The following IGF2BP2 variants were observed in gnomAD, a reference collection of about 807,000 sequenced individuals.
The protein encoded by IGF2BP2 is insulin like growth factor 2 mRNA binding protein 2, also known as insulin-like growth factor 2 mRNA-binding protein 2.
A neutral mutation model predicts 75.8 loss-of-function variants in IGF2BP2; 17 were observed. The observed-to-expected ratio is 0.22, with a 90% CI of 0.15 to 0.34. The LOEUF (loss-of-function observed/expected upper bound fraction) is 0.34. Ranked by LOEUF, IGF2BP2 falls within the 10% of genes least tolerant of loss-of-function variation. The pLI, the probability that IGF2BP2 is intolerant of heterozygous loss-of-function variation, is 1.00. For missense variants in IGF2BP2, 516 were observed against 772.4 expected (o/e 0.67, Z 3.93); for synonymous variants, 288 against 295.6 (o/e 0.97, Z 0.26).
chr3:185,785,949 T>C (rs971620182), intron 2 of IGF2BP2, among the ~76,000 whole-genome samples: 1 of 152,190 alleles, frequency 6.6e-6, no homozygotes, highest in African/African-American at 2.4e-5. Flanking sequence ...CTGAAGAAAA[T>C]GTTCTCAAGT....
chr3:185,708,205 T>C (rs946942810), intron 2 of IGF2BP2, among the ~76,000 whole-genome samples: 2 of 152,180 alleles, frequency 1.3e-5, no homozygotes, highest in African/African-American at 4.8e-5. Context: ...TGACTTGTGG[T>C]CTCTATATAT....
intron 2 of IGF2BP2, among the ~76,000 whole-genome samples, chr3:185,809,354 C>A (rs1359498990): frequency 1.3e-5 from 2 of 152,178 alleles, no homozygotes; most frequent in African/African-American, 4.8e-5. Context: ...TTCCAATGTT[C>A]ATTTTGAAGC....
chr3:185,775,869 C>T (rs1028598452), intron 2 of IGF2BP2, among the ~76,000 whole-genome samples: 2 of 152,096 alleles, frequency 1.3e-5, no homozygotes, highest in African/African-American at 4.8e-5. Context: ...AATCCCTACC[C>T]TAGAGAAATA....
At chr3:185,795,434 G>C (rs1268649245) in intron 2 of IGF2BP2, among the ~76,000 whole-genome samples, 5 of 152,128 alleles carry the variant, frequency 3.3e-5, no homozygotes, top group African/African-American at 4.8e-5. Context: ...CTTTAACATG[G>C]GTGTACAAAT....
chr3:185,728,818 A>C (rs1027687022), intron 2 of IGF2BP2: 1 of 152,218 alleles, frequency 6.6e-6, no homozygotes, highest in Non-Finnish European at 1.5e-5. Context: ...CGAGTTCTCA[A>C]AGCGTGACCT....
In IGF2BP2 at chr3:185,796,020, GGAT is replaced by G. The variant is rs1737324616; in HGVS notation, c.239+27130_239+27132del. Reference sequence around the variant, plus strand: ...AGAGGAAAAAACACAGCACTGAGGAGGATAACTTTCTAGTAATATCCAACATTA... The same window carrying G: ...AGAGGAAAAAACACAGCACTGAGGAGAACTTTCTAGTAATATCCAACATTA... On this transcript the variant is annotated intron_variant, in intron 2 of 15. Coordinates refer to ENST00000382199, the MANE Select transcript of IGF2BP2 (RefSeq NM_006548.6). 2.0e-5 allele frequency among the ~76,000 whole-genome samples: 3 copies of G among 152,154 alleles called. No individual in the cohort carries two copies. The South Asian group carries it at 6.2e-4, about 32-fold the overall frequency.
intron 11 of IGF2BP2, 64 bp downstream of exon 11, chr3:185,658,277 A>C: frequency 2.1e-6 from 3 of 1,456,028 alleles, no homozygotes; most frequent in Non-Finnish European, 2.9e-6. Context: ...ACTGGCCACC[A>C]AGGGCCAAGT....
intron 3 of IGF2BP2, among the ~76,000 whole-genome samples, chr3:185,697,031 A>G (rs1722673078): frequency 6.6e-6 from 1 of 152,250 alleles, no homozygotes; most frequent in South Asian, 2.1e-4. Flanking sequence ...TTCTTTTACA[A>G]GGATCTCTTC....
chr3:185,673,447 T>C (rs1472324916), intron 9 of IGF2BP2, among the ~76,000 whole-genome samples: 2 of 152,242 alleles, frequency 1.3e-5, no homozygotes, highest in African/African-American at 4.8e-5. Flanking sequence ...AGGTTCGGGA[T>C]GGTTTACAAC....
intron 2 of IGF2BP2, among the ~76,000 whole-genome samples, chr3:185,766,728 T>C (rs185014359): frequency 6.6e-6 from 1 of 152,372 alleles, no homozygotes; most frequent in East Asian, 1.9e-4. Flanking sequence ...TAATACTTTA[T>C]AGTTTTCCCT....
At chr3:185,821,252 T>C (rs1250526347) in intron 2 of IGF2BP2, 3 of 794,110 alleles carry the variant, frequency 3.8e-6, no homozygotes, top group African/African-American at 1.8e-5. Flanking sequence ...ACATTTGGAA[T>C]GTTAAACATT....
At chr3:185,742,432 G>T (rs1235946799) in intron 2 of IGF2BP2, among the ~76,000 whole-genome samples, 1 of 152,064 alleles carries the variant, frequency 6.6e-6, no homozygotes, top group Non-Finnish European at 1.5e-5. Context: ...GGAGGTGGAG[G>T]TTGCAGTGAG....
chr3:185,721,514 A>C (rs1726543070), intron 2 of IGF2BP2, among the ~76,000 whole-genome samples: 1 of 152,030 alleles, frequency 6.6e-6, no homozygotes, highest in Non-Finnish European at 1.5e-5. Flanking sequence ...TCTTCTTTCA[A>C]GCAGTTTTTT....
chr3:185,674,498 G>A (rs181199437), intron 9 of IGF2BP2, among the ~76,000 whole-genome samples: 10 of 152,244 alleles, frequency 6.6e-5, no homozygotes, highest in Admixed American at 5.9e-4. Flanking sequence ...TCCCCATTAA[G>A]AGTAAAAATT....
At chr3:185,806,468 CA>C (rs1417285884) in intron 2 of IGF2BP2, among the ~76,000 whole-genome samples, 1 of 152,080 alleles carries the variant, frequency 6.6e-6, no homozygotes, top group Non-Finnish European at 1.5e-5. Flanking sequence ...AGGAAACAAC[CA>C]AAATAACTTT....
At chr3:185,760,043 A>G (rs1032134028) in intron 2 of IGF2BP2, among the ~76,000 whole-genome samples, 3 of 152,304 alleles carry the variant, frequency 2.0e-5, no homozygotes, top group African/African-American at 7.2e-5. Flanking sequence ...TTTTTTAAAA[A>G]TCACAATACC....
chr3:185,719,048 G>A (rs2149456439), intron 2 of IGF2BP2, among the ~76,000 whole-genome samples: 1 of 152,298 alleles, frequency 6.6e-6, no homozygotes, highest in East Asian at 1.9e-4. Context: ...CTTGGGTGGG[G>A]AGAGGAAGCA....
intron 2 of IGF2BP2, among the ~76,000 whole-genome samples, chr3:185,738,727 CT>C (rs761456572): frequency 6.6e-6 from 1 of 152,194 alleles, no homozygotes; most frequent in South Asian, 2.1e-4. Flanking sequence ...GAAAATATTC[CT>C]GGTACTTCAT....
chr3:185,651,392 G>C (rs1281361605), intron 13 of IGF2BP2, among the ~76,000 whole-genome samples: 1 of 151,260 alleles, frequency 6.6e-6, no homozygotes, highest in Non-Finnish European at 1.5e-5. Context: ...CTTTTCGTTA[G>C]AGATGAGGTC....
Sources: allele counts gnomAD v4.1 joint callset (sites outside exome capture counted in the v4.1 genomes callset), GRCh38; gene constraint gnomAD v4.1.1; transcripts MANE v1.5; gene names NCBI Gene and HGNC (gene_info 2026-07-23, HGNC 2026-07-21).